The following CDH12 variants were observed in gnomAD, a reference collection of about 807,000 sequenced individuals.
The protein encoded by CDH12 is cadherin 12.
Under a neutral mutation model 74.1 loss-of-function variants are expected in CDH12, and 41 were observed. The observed-to-expected ratio is 0.55, with a 90% CI of 0.43 to 0.72. The LOEUF is 0.72. Ranked by LOEUF, CDH12 falls within the 30% of genes least tolerant of loss-of-function variation. The probability of loss-of-function intolerance (pLI) is 0.00; values close to 1 mark genes in which losing one functional copy is unlikely to be tolerated. For missense variants in CDH12, 945 were observed against 977.2 expected, an observed-to-expected ratio of 0.97 and a Z score of 0.44; for synonymous variants, 399 against 355.0, an observed-to-expected ratio of 1.12 and a Z score of -1.39.
chr5:22,113,088 T>A (rs1420622822), intron 4 of CDH12, among the ~76,000 whole-genome samples: 1 of 152,202 alleles, frequency 6.6e-6, no homozygotes, highest in Non-Finnish European at 1.5e-5. Flanking sequence ...CTACAAATCA[T>A]AAATTCTCAT....
chr5:22,342,591 C>T, intron 3 of CDH12, among the ~76,000 whole-genome samples: 1 of 99,280 alleles, frequency 1.0e-5, no homozygotes, highest in Non-Finnish European at 2.1e-5. Flanking sequence ...TCCTTCCTTC[C>T]TTTCTCTCTT....
chr5:22,716,109 C>T (rs1042962883), intron 1 of CDH12, among the ~76,000 whole-genome samples: 2 of 152,104 alleles, frequency 1.3e-5, no homozygotes, highest in Admixed American at 6.6e-5. Flanking sequence ...TGCCCTCCAG[C>T]CTGGGTGACA....
intron 1 of CDH12, among the ~76,000 whole-genome samples, chr5:22,515,069 G>A (rs1267539484): frequency 6.6e-6 from 1 of 151,892 alleles, no homozygotes. Context: ...AGGAGATAAA[G>A]GTATAATTTT....
At chr5:22,372,851 C>T (rs1741355082) in intron 3 of CDH12, among the ~76,000 whole-genome samples, 1 of 152,128 alleles carries the variant, frequency 6.6e-6, no homozygotes, top group African/African-American at 2.4e-5. Flanking sequence ...GAGGAGAGGC[C>T]AGAAACTTCC....
intron 1 of CDH12, among the ~76,000 whole-genome samples, chr5:22,567,254 T>C (rs562748236): frequency 1.1e-4 from 16 of 152,176 alleles, no homozygotes; most frequent in East Asian, 3.9e-4. Flanking sequence ...CTTTCAACCA[T>C]TGTCCATAAA....
In CDH12 at chr5:22,588,303, T is replaced by C. The variant is rs994189706; in HGVS notation, c.-522-82939A>G. ...TCATGTTAAAGCACAGGAGGAATAA[T>C]GTAAACTTGAAATTTTAGGCCACAT... On this transcript the variant is annotated intron_variant, in intron 1 of 14. Transcript: ENST00000382254. Among the ~76,000 whole-genome samples the C allele has an allele frequency of 9.2e-5, 14 of 152,256 alleles. 1 individual carries two copies. The highest frequency in any genetic ancestry group is 3.1e-4 in the African/African-American group (13 of 41,566).
intron 1 of CDH12, among the ~76,000 whole-genome samples, chr5:22,609,234 A>AACTACTTG (rs1292692430): frequency 4.6e-5 from 7 of 152,170 alleles, no homozygotes; most frequent in African/African-American, 1.7e-4. Flanking sequence ...AGGCCCTCTC[A>AACTACTTG]ACTACTTGTT....
rs529123176 is a variant in CDH12 at position 21,828,552 on chromosome 5, G to GTA, written c.815-11422_815-11421dup. Among the ~76,000 whole-genome samples the GTA allele has an allele frequency of 1.0e-3, 154 of 152,256 alleles. 2 individuals carry two copies. Among genetic ancestry groups the GTA allele is most frequent in the East Asian group, 0.01 (52 of 5,182 alleles). The stretch of plus-strand genomic sequence containing the variant: ...AAATTTGGTAATGGTCTCTTCCCAT[G>GTA]TATATTTTGCTTTCTTTTAGACAAA... On this transcript the variant is annotated intron_variant, in intron 8 of 14. Coordinates refer to ENST00000382254, the MANE Select transcript of CDH12 (RefSeq NM_004061.5).
At chr5:21,922,013 C>A (rs557539057) in intron 6 of CDH12, among the ~76,000 whole-genome samples, 1 of 152,100 alleles carries the variant, frequency 6.6e-6, no homozygotes, top group East Asian at 1.9e-4. Context: ...GTTATAGTAA[C>A]TTCTTTTACC....
At chr5:22,702,037 C>T (rs902213772) in intron 1 of CDH12, among the ~76,000 whole-genome samples, 7 of 152,144 alleles carry the variant, frequency 4.6e-5, no homozygotes, top group African/African-American at 7.2e-5. Context: ...AGCTACTTGA[C>T]AACTATAATT....
At chr5:22,197,176 G>T (rs192375227) in intron 4 of CDH12, among the ~76,000 whole-genome samples, 63 of 152,248 alleles carry the variant, frequency 4.1e-4, no homozygotes, top group Admixed American at 3.9e-3. Context: ...CGGGTGCAGC[G>T]GCTCATGCCT....
chr5:22,486,486 T>C (rs935969485), intron 2 of CDH12, among the ~76,000 whole-genome samples: 2 of 150,468 alleles, frequency 1.3e-5, no homozygotes, highest in South Asian at 4.2e-4. Flanking sequence ...AGTTTCCCTC[T>C]TGTTGCCCAG....
intron 6 of CDH12, among the ~76,000 whole-genome samples, chr5:21,925,036 G>T (rs908766713): frequency 6.6e-5 from 10 of 152,008 alleles, no homozygotes; most frequent in African/African-American, 2.4e-4. Context: ...TGAAAACAAA[G>T]CACAAACAAC....
chr5:22,102,662 C>CAATA lies in CDH12; in HGVS notation c.-186-23804_-186-23801dup, dbSNP rs59315895. 6.1e-3 allele frequency among the ~76,000 whole-genome samples: 906 copies of CAATA among 148,684 alleles called. 9 individuals are homozygous for CAATA. The highest frequency in any genetic ancestry group is 0.047 in the East Asian group (232 of 4,984). On this transcript the variant is annotated intron_variant, in intron 4 of 14. Transcript: ENST00000382254. ...GGGGGACAGAGTGAGACTCCGTCTC[C>CAATA]AATAAATAAATAAATAAATAAATAA...
At chr5:22,306,895 G>A in intron 3 of CDH12, among the ~76,000 whole-genome samples, 1 of 152,206 alleles carries the variant, frequency 6.6e-6, no homozygotes, top group Non-Finnish European at 1.5e-5. Flanking sequence ...ATAAAAATTA[G>A]GTGGGAAAAT....
rs1435676675 is a variant in CDH12, at chr5:22,146,724, T to C, written c.-187+65774A>G. ...GTGTCCCCCTATCAAGGCTTAGTTT[T>C]ACTATTGCTTAATATAGATGAAGAA... On this transcript the variant is annotated intron_variant, in intron 4 of 14. Coordinates refer to ENST00000382254, the MANE Select transcript of CDH12 (RefSeq NM_004061.5). Among the ~76,000 whole-genome samples the C allele has an allele frequency of 2.6e-5, 4 of 152,262 alleles. No individual in the cohort carries two copies. In the East Asian group the frequency reaches 7.7e-4, roughly 29 times the overall value.
intron 5 of CDH12, among the ~76,000 whole-genome samples, chr5:22,018,680 G>T (rs1480827199): frequency 6.6e-6 from 1 of 152,206 alleles, no homozygotes; most frequent in Non-Finnish European, 1.5e-5. Context: ...CTTTCCAACA[G>T]ATAGCACTTT....
At chr5:22,136,181 G>C (rs1746449754) in intron 4 of CDH12, among the ~76,000 whole-genome samples, 1 of 151,940 alleles carries the variant, frequency 6.6e-6, no homozygotes, top group Non-Finnish European at 1.5e-5. Flanking sequence ...TAAGATGGTA[G>C]GTGTGGTGGA....
chr5:22,452,643 T>C (rs192888056), intron 2 of CDH12, among the ~76,000 whole-genome samples: 269 of 151,918 alleles, frequency 1.8e-3, no homozygotes, highest in African/African-American at 6.3e-3. Flanking sequence ...GGAGAAATTC[T>C]TCATGGCATG....
Sources: allele counts gnomAD v4.1 joint callset (sites outside exome capture counted in the v4.1 genomes callset), GRCh38; gene constraint gnomAD v4.1.1; transcripts MANE v1.5; gene names NCBI Gene and HGNC (gene_info 2026-07-23, HGNC 2026-07-21).